Variants in ABCC3 observed in about 807,000 individuals in gnomAD.
ABCC3 encodes the protein ATP binding cassette subfamily C member 3, also known as ATP-binding cassette sub-family C member 3.
Under a neutral mutation model 165.3 loss-of-function variants are expected in ABCC3, and 121 were observed. The observed-to-expected ratio is 0.73, with a 90% confidence interval of 0.63 to 0.85. ABCC3 has a LOEUF of 0.85. ABCC3 is among the 40% of genes least tolerant of loss of function. The pLI is 0.00. For synonymous variants in ABCC3, 733 were observed against 810.1 expected (o/e 0.90, Z 1.62); for missense variants, 1,869 against 1,964.1 (o/e 0.95, Z 0.92).
chr17:50,646,253 G>A (rs936694398), intron 1 of ABCC3, among the ~76,000 whole-genome samples: 6 of 152,164 alleles, frequency 3.9e-5, no homozygotes, highest in African/African-American at 1.4e-4. Flanking sequence ...AAGAGCAAGT[G>A]CAAAGGCCCT....
chr17:50,690,298 C>T (rs1251630665), intron 30 of ABCC3, among the ~76,000 whole-genome samples: 1 of 147,792 alleles, frequency 6.8e-6, no homozygotes, highest in East Asian at 2.0e-4. Flanking sequence ...AATCAAAAGC[C>T]GCTGAAGACC....
At position 50,690,158 on chromosome 17, in the gene ABCC3, A is replaced by G. The variant is rs564370086; in HGVS notation, c.4476-934A>G. ...AGGCAAAGGATATAACACATGCCCC[A>G]AGGCAGGAGGGTACAGGAGGCTGGA... is the stretch of plus-strand genomic sequence containing the variant. On this transcript the variant is annotated intron_variant, in intron 30 of 30. Transcript: ENST00000285238. Among the ~76,000 whole-genome samples the G allele has an allele frequency of 3.9e-5, 6 of 152,240 alleles. No individual in the cohort carries two copies. The South Asian group carries it at 1.2e-3, about 32-fold the overall frequency.
rs1055651735 is a variant in ABCC3, at chr17:50,673,802, G to A, written c.2599+144G>A. Reference sequence around the variant, plus strand: ...GCCATCTGTGTGACAGTCACCAGAGGTAAAGTAAACTGGACATAGTCGGGT... The same window carrying A: ...GCCATCTGTGTGACAGTCACCAGAGATAAAGTAAACTGGACATAGTCGGGT... On this transcript the variant is annotated intron_variant, in intron 19 of 30. Transcript: ENST00000285238. The A allele has an allele frequency of 3.1e-5, 24 of 772,674 alleles. No homozygotes were observed. In the African/African-American group the frequency reaches 4.2e-4, roughly 13 times the overall value. The allele number at this position is 772,674 out of a possible 1,614,324, so 47.9% of individuals were successfully genotyped here. A position where few individuals can be genotyped will look rare whatever the true frequency, so the allele number is the denominator to read the frequency against.
chr17:50,676,332 C>T lies in ABCC3; in HGVS notation c.3122C>T (p.Ala1041Val). ...MAMAAGGIQA[A>V]RVLHQALLHN... ...ATGGCAGCGGGTGGCATCCAGGCTGCCCGTGTGTTGCACCAGGCACTGCTG... is the reference window on the plus strand; with the variant it reads ...ATGGCAGCGGGTGGCATCCAGGCTGTCCGTGTGTTGCACCAGGCACTGCTG... Residue 1041 changes from alanine (A) to valine (V), a missense_variant, in exon 23 of 31, where the codon GCC becomes GTC. Coordinates refer to ENST00000285238, the MANE Select transcript of ABCC3 (RefSeq NM_003786.4). 6.2e-7 allele frequency: 1 copy of T among 1,614,120 alleles called. No homozygotes were observed. Among genetic ancestry groups the T allele is most frequent in the Non-Finnish European group, 8.5e-7 (1 of 1,179,996 alleles).
chr17:50,656,047 C>CTGT, intron 2 of ABCC3, 39 bp downstream of exon 2: 2 of 1,435,490 alleles, frequency 1.4e-6, no homozygotes, highest in East Asian at 2.5e-5. Context: ...GGGGCTGGGC[C>CTGT]CTGGGGATTC....
chr17:50,653,089 TTATCCCAGCACTTTG>T (rs1393641454), intron 1 of ABCC3, among the ~76,000 whole-genome samples: 1 of 152,118 alleles, frequency 6.6e-6, no homozygotes, highest in Non-Finnish European at 1.5e-5. Context: ...CTCACGCCTG[TTATCCCAGCACTTTG>T]GGAGGCCGAG....
At position 50,667,994 on chromosome 17, in the gene ABCC3, C is replaced by T; in HGVS notation, c.1767C>T (p.Ile589=). The change falls in exon 13 of 31, where the codon ATC becomes ATT. Residue 589 remains isoleucine (I), a synonymous_variant. Coordinates refer to ENST00000285238, the MANE Select transcript of ABCC3 (RefSeq NM_003786.4). ...RLPLNMLPQL[I]SNLTQASVSL... is the part of the protein sequence containing the mutation. ...CCCTCAACATGCTGCCCCAGTTAAT[C>T]AGCAACCTGACTCAGGTAACCCTGG... 1 of 1,614,062 alleles carries T rather than the reference C, an allele frequency of 6.2e-7. No individual in the cohort carries two copies.
chr17:50,681,501 T>C (rs912991895), intron 26 of ABCC3, among the ~76,000 whole-genome samples: 8 of 152,064 alleles, frequency 5.3e-5, no homozygotes, highest in Non-Finnish European at 1.2e-4. Flanking sequence ...ACGCTTCCCA[T>C]CCACATGCAA....
Position 50,664,057 on chromosome 17 carries a change from T to C in ABCC3, c.1284T>C (p.Asn428=). The change falls in exon 10 of 31, where the codon AAT becomes AAC. Residue 428 remains asparagine, a synonymous_variant. Transcript: ENST00000285238. ...TCATGGACCTTGCCCCCTTCCTCAA[T>C]CTGCTGTGGTCAGCACCCCTGCAGA... ...QRFMDLAPFL[N]LLWSAPLQII... 3.7e-6 allele frequency: 6 copies of C among 1,614,188 alleles called. No individual in the cohort carries two copies. The highest frequency in any genetic ancestry group is 1.3e-5 in the African/African-American group (1 of 75,046).
intron 19 of ABCC3, 34 bp downstream of exon 19, chr17:50,673,692 C>A: frequency 1.4e-5 from 22 of 1,604,066 alleles, no homozygotes; most frequent in Non-Finnish European, 1.9e-5. Context: ...GATTCCCATG[C>A]CTTCCCAGCA....
chr17:50,645,709 T>C (rs1442803430), intron 1 of ABCC3, among the ~76,000 whole-genome samples: 1 of 152,104 alleles, frequency 6.6e-6, no homozygotes, highest in Non-Finnish European at 1.5e-5. Flanking sequence ...CAAGAGATCC[T>C]CCCGCCTTAG....
intron 17 of ABCC3, among the ~76,000 whole-genome samples, chr17:50,669,792 CT>C (rs10714203): frequency 0.86 from 128,731 of 150,512 alleles, 55,193 homozygotes; most frequent in Middle Eastern, 0.91. Context: ...AAGAGCATCA[CT>C]TTTTTTTTTT....
rs758522517 is a variant in ABCC3, at chr17:50,667,611, G to A, written c.1489G>A (p.Gly497Ser). 36 of 1,613,982 alleles carry A rather than the reference G, an allele frequency of 2.2e-5. No individual in the cohort carries two copies. In the South Asian group the frequency reaches 2.5e-4, roughly 11 times the overall value. The stretch of plus-strand genomic sequence containing the variant: ...CAAGCTGATGAGTGAGATCCTGAAC[G>A]GCATCAAGGTGCTGAAGCTGTACGC... Reference protein sequence around the residue: ...RIKLMSEILNGIKVLKLYAWE... With the variant: ...RIKLMSEILNSIKVLKLYAWE... The change falls in exon 12 of 31, where the codon GGC becomes AGC. Residue 497 changes from glycine (G) to serine (S), a missense_variant. Physicochemically the swap from Gly to Ser is moderately conservative, Grantham distance 56. Transcript: ENST00000285238.
At chr17:50,687,301 G>A in intron 29 of ABCC3, 1 of 494,008 alleles carries the variant, frequency 2.0e-6, no homozygotes, top group Non-Finnish European at 3.6e-6. Context: ...GGTGCCAAGA[G>A]CAGACCAGGG....
intron 5 of ABCC3, 75 bp downstream of exon 5, chr17:50,658,282 C>G (rs915093320): frequency 2.5e-6 from 4 of 1,605,804 alleles, no homozygotes; most frequent in Admixed American, 3.3e-5. Flanking sequence ...GCCCCCAACC[C>G]CTCCAGTTCC....
chr17:50,646,044 A>C (rs1966996645), intron 1 of ABCC3, among the ~76,000 whole-genome samples: 1 of 152,272 alleles, frequency 6.6e-6, no homozygotes, highest in Admixed American at 6.5e-5. Flanking sequence ...ATGAGAGAAA[A>C]TATAATAAAT....
intron 2 of ABCC3, 57 bp from the exon 3 acceptor site, chr17:50,656,645 A>T: frequency 1.9e-6 from 3 of 1,557,032 alleles, no homozygotes; most frequent in Non-Finnish European, 2.6e-6. Context: ...ACCCCTTCCC[A>T]GTGAGGACTG....
At chr17:50,652,529 T>C (rs1158498291) in intron 1 of ABCC3, among the ~76,000 whole-genome samples, 1 of 152,236 alleles carries the variant, frequency 6.6e-6, no homozygotes, top group Non-Finnish European at 1.5e-5. Flanking sequence ...TTTTTGAACC[T>C]TTCTTTTCTA....
intron 1 of ABCC3, among the ~76,000 whole-genome samples, chr17:50,645,727 G>A (rs766441684): frequency 1.3e-5 from 2 of 152,066 alleles, no homozygotes; most frequent in African/African-American, 2.4e-5. Context: ...TAGCCTCCAT[G>A]TAACTGGGAC....
Sources: gnomAD v4.1 joint callset for allele counts (sites outside exome capture counted in the v4.1 genomes callset) on GRCh38, gnomAD v4.1.1 for gene constraint, MANE v1.5 for transcripts, NCBI Gene and HGNC (gene_info 2026-07-23, HGNC 2026-07-21) for gene names.